XRCC4: variants seen among roughly 807,000 people sequenced by gnomAD.
The protein encoded by XRCC4 is X-ray repair cross complementing 4, also known as DNA repair protein XRCC4.
Under a neutral mutation model 39.1 loss-of-function variants are expected in XRCC4, and 28 were observed. The ratio of observed to expected loss-of-function variants is 0.72; its 90% CI spans 0.53 to 0.98. XRCC4 has a LOEUF of 0.98. Ranked by LOEUF, XRCC4 falls within the 50% of genes least tolerant of loss-of-function variation. The probability of loss-of-function intolerance (pLI) is 0.00; values close to 1 mark genes in which losing one functional copy is unlikely to be tolerated. For synonymous variants in XRCC4, 123 were observed against 126.4 expected (o/e 0.97, Z 0.18); for missense variants, 350 against 376.4 (o/e 0.93, Z 0.58).
the XRCC4 span, among the ~76,000 whole-genome samples, chr5:83,372,469 G>T: frequency 6.6e-6 from 1 of 152,148 alleles, no homozygotes; most frequent in Admixed American, 6.5e-5. Context: ...TCATAAGCCT[G>T]TCCTACTCCG....
chr5:83,296,907 A>C (rs1755115039), intron 7 of XRCC4, among the ~76,000 whole-genome samples: 1 of 152,016 alleles, frequency 6.6e-6, no homozygotes, highest in Non-Finnish European at 1.5e-5. Context: ...GTGAAGAAGC[A>C]GTTTAAAATA....
At chr5:83,153,270 A>C (rs1748803488) in intron 3 of XRCC4, among the ~76,000 whole-genome samples, 1 of 150,312 alleles carries the variant, frequency 6.7e-6, no homozygotes, top group South Asian at 2.1e-4. Context: ...GTGCAGTGGC[A>C]TGATCATGGC....
chr5:83,125,291 C>A (rs1451906109), intron 3 of XRCC4, among the ~76,000 whole-genome samples: 1 of 152,084 alleles, frequency 6.6e-6, no homozygotes, highest in African/African-American at 2.4e-5. Flanking sequence ...TTGATGAAGT[C>A]CAATTTGTGG....
At chr5:83,368,073 A>G in the XRCC4 span, among the ~76,000 whole-genome samples, 7 of 139,400 alleles carry the variant, frequency 5.0e-5, no homozygotes, top group African/African-American at 2.1e-4. Flanking sequence ...CTGAACCCCA[A>G]TAAGAAAAAA....
At chr5:83,218,062 T>TTATA (rs560667796) in intron 6 of XRCC4, among the ~76,000 whole-genome samples, 9 of 147,614 alleles carry the variant, frequency 6.1e-5, no homozygotes, top group East Asian at 2.0e-4. Flanking sequence ...TTTACCTTTT[T>TTATA]TATATATATA....
chr5:83,350,528 AT>A (rs199982608), intron 7 of XRCC4, among the ~76,000 whole-genome samples: 9 of 148,820 alleles, frequency 6.0e-5, no homozygotes, highest in South Asian at 2.1e-4. Context: ...GATGTGTAGC[AT>A]TTTTTTTTCA....
At chr5:83,261,625 T>C (rs1003172292) in intron 7 of XRCC4, among the ~76,000 whole-genome samples, 57 of 121,160 alleles carry the variant, frequency 4.7e-4, no homozygotes, top group Non-Finnish European at 7.9e-4. Context: ...TTTTTTTTTT[T>C]GTCTACAAGA....
rs28360150 is a variant in XRCC4, at chr5:83,204,163, C to T, written c.638+456C>T. On this transcript the variant is annotated intron_variant, in intron 5 of 7. Transcript: ENST00000396027. ...GTTTTATTCTTCTTTCACATATTCT[C>T]TGAAAGTACATATGTACTTGATTTT... 8.9e-3 allele frequency among the ~76,000 whole-genome samples: 1,353 copies of T among 152,160 alleles called. 17 individuals carry two copies. Among genetic ancestry groups the T allele is most frequent in the African/African-American group, 0.03 (1,233 of 41,498 alleles).
At chr5:83,096,384 G>A (rs1367675655) in intron 1 of XRCC4, among the ~76,000 whole-genome samples, 1 of 152,128 alleles carries the variant, frequency 6.6e-6, no homozygotes, top group Non-Finnish European at 1.5e-5. Context: ...TTGGTGGGCT[G>A]ACCGGCCTTT....
chr5:83,127,656 G>C (rs1201024738), intron 3 of XRCC4, among the ~76,000 whole-genome samples: 1 of 152,020 alleles, frequency 6.6e-6, no homozygotes, highest in Non-Finnish European at 1.5e-5. Flanking sequence ...TGAGGAAATG[G>C]GGCCTAATGG....
intron 3 of XRCC4, among the ~76,000 whole-genome samples, chr5:83,139,719 A>G (rs1484120601): frequency 6.6e-6 from 1 of 152,214 alleles, no homozygotes; most frequent in African/African-American, 2.4e-5. Context: ...AAACCCATAC[A>G]GCATGTTGCT....
chr5:83,101,654 TCTA>T, intron 1 of XRCC4, among the ~76,000 whole-genome samples: 1 of 152,120 alleles, frequency 6.6e-6, no homozygotes, highest in South Asian at 2.1e-4. Flanking sequence ...ATGATTGATG[TCTA>T]CTTGAGGGTG....
intron 7 of XRCC4, among the ~76,000 whole-genome samples, chr5:83,310,548 A>G (rs1158569148): frequency 6.6e-6 from 1 of 152,152 alleles, no homozygotes; most frequent in African/African-American, 2.4e-5. Flanking sequence ...CCCTCAGAAA[A>G]GCCATCAATT....
At chr5:83,087,181 G>A (rs374399998) in intron 1 of XRCC4, among the ~76,000 whole-genome samples, 23 of 152,026 alleles carry the variant, frequency 1.5e-4, no homozygotes, top group African/African-American at 5.5e-4. Context: ...GCCGGGAGTG[G>A]TGGTGCATGC....
At position 83,147,823 on chromosome 5, in the gene XRCC4, C is replaced by T. The variant is rs917092671; in HGVS notation, c.315+36620C>T. On this transcript the variant is annotated intron_variant, in intron 3 of 7. Transcript: ENST00000396027. The stretch of plus-strand genomic sequence containing the variant: ...TTTTTTTTTTTGACACACAGTTTAA[C>T]TCTGTTGCCCAGGCTGGGGTGCAGT... Among the ~76,000 whole-genome samples, 4 of 149,818 alleles carry T rather than the reference C, an allele frequency of 2.7e-5. No individual in the cohort carries two copies. In the South Asian group the frequency reaches 8.4e-4, roughly 31 times the overall value.
chr5:83,249,193 T>C (rs1396081733), intron 6 of XRCC4, among the ~76,000 whole-genome samples: 3 of 152,154 alleles, frequency 2.0e-5, no homozygotes, highest in Non-Finnish European at 4.4e-5. Flanking sequence ...CCCATAGTTA[T>C]CGAGACAATG....
In XRCC4 at chr5:83,262,715, GTTGCT is replaced by G. The variant is rs1753794786; in HGVS notation, c.893+4041_893+4045del. On this transcript the variant is annotated intron_variant, in intron 7 of 7. Transcript: ENST00000396027. Reference sequence around the variant, plus strand: ...AATATAAAAGAAAATTTGTTGTAAAGTTGCTTTTACCAATAAAAATACTAAATAGT... The same window carrying G: ...AATATAAAAGAAAATTTGTTGTAAAGTTTACCAATAAAAATACTAAATAGT... Among the ~76,000 whole-genome samples, 2 of 151,718 alleles carry G rather than the reference GTTGCT, an allele frequency of 1.3e-5. 1 individual carries two copies. Among genetic ancestry groups the G allele is most frequent in the South Asian group, 4.1e-4 (2 of 4,826 alleles).
chr5:83,163,593 G>T (rs977883327), intron 3 of XRCC4, among the ~76,000 whole-genome samples: 1 of 152,162 alleles, frequency 6.6e-6, no homozygotes, highest in Admixed American at 6.5e-5. Flanking sequence ...CAGATTCCTG[G>T]TATTTATGGC....
At chr5:83,170,286 A>G (rs973718355) in intron 3 of XRCC4, among the ~76,000 whole-genome samples, 5 of 152,190 alleles carry the variant, frequency 3.3e-5, no homozygotes, top group Non-Finnish European at 7.3e-5. Flanking sequence ...ATGTAATTTA[A>G]AATTTTATAT....
Sources: allele counts gnomAD v4.1 joint callset (sites outside exome capture counted in the v4.1 genomes callset), GRCh38; gene constraint gnomAD v4.1.1; transcripts MANE v1.5; gene names NCBI Gene and HGNC (gene_info 2026-07-23, HGNC 2026-07-21).